CSMD3: variants seen among roughly 807,000 people sequenced by gnomAD.
The protein encoded by CSMD3 is CUB and sushi domain-containing protein 3.
Under a neutral mutation model 435.2 loss-of-function variants are expected in CSMD3, and 177 were observed. That is an observed-to-expected ratio of 0.41 (90% CI 0.36 to 0.46). The LOEUF is 0.46. Among genes scored for constraint, CSMD3 ranks in the 20% least tolerant of loss-of-function variants. The pLI is 0.34. For synonymous variants in CSMD3, 1,656 were observed against 1,520.5 expected, an observed-to-expected ratio of 1.09 and a Z score of -2.07; for missense variants, 4,265 against 4,504.6, an observed-to-expected ratio of 0.95 and a Z score of 1.52.
At chr8:113,395,759 T>A (rs1443337212) in intron 1 of CSMD3, among the ~76,000 whole-genome samples, 3 of 152,236 alleles carry the variant, frequency 2.0e-5, no homozygotes, top group Admixed American at 6.5e-5. Flanking sequence ...TTACAGAGCC[T>A]TCTGCCATCG....
intron 45 of CSMD3, among the ~76,000 whole-genome samples, chr8:112,330,090 A>T (rs1823891451): frequency 6.6e-6 from 1 of 152,126 alleles, no homozygotes; most frequent in South Asian, 2.1e-4. Flanking sequence ...AAGGGGTCAC[A>T]CAGTTAAAGG....
chr8:113,073,129 C>A (rs941970926), intron 5 of CSMD3, among the ~76,000 whole-genome samples: 1 of 151,782 alleles, frequency 6.6e-6, no homozygotes, highest in Admixed American at 6.6e-5. Flanking sequence ...GCACATTTAT[C>A]CATATGAAAT....
chr8:112,726,664 C>A (rs1236760576), intron 13 of CSMD3, among the ~76,000 whole-genome samples: 1 of 151,876 alleles, frequency 6.6e-6, no homozygotes, highest in Admixed American at 6.6e-5. Flanking sequence ...ACTCATCCAA[C>A]CAACAGGATT....
At chr8:112,523,838 A>G (rs1273552074) in intron 27 of CSMD3, among the ~76,000 whole-genome samples, 1 of 152,036 alleles carries the variant, frequency 6.6e-6, no homozygotes, top group Non-Finnish European at 1.5e-5. Flanking sequence ...GAATTTCATT[A>G]TGTTACTAAG....
chr8:112,919,329 G>T (rs2082666131), intron 10 of CSMD3, among the ~76,000 whole-genome samples: 2 of 151,580 alleles, frequency 1.3e-5, no homozygotes, highest in African/African-American at 2.4e-5. Flanking sequence ...GTAGAGAGCT[G>T]CTCTTTGTGC....
intron 1 of CSMD3, among the ~76,000 whole-genome samples, chr8:113,430,938 T>C (rs531848627): frequency 6.6e-6 from 1 of 152,316 alleles, no homozygotes; most frequent in South Asian, 2.1e-4. Context: ...GAAATATATT[T>C]GATGGCTGCA....
chr8:112,529,971 G>A (rs1825364464), intron 27 of CSMD3, among the ~76,000 whole-genome samples: 1 of 151,884 alleles, frequency 6.6e-6, no homozygotes, highest in Non-Finnish European at 1.5e-5. Context: ...GAAAATATAA[G>A]AAAGTACCAA....
intron 52 of CSMD3, among the ~76,000 whole-genome samples, chr8:112,304,081 G>A (rs1821179823): frequency 6.6e-6 from 1 of 152,072 alleles, no homozygotes; most frequent in African/African-American, 2.4e-5. Flanking sequence ...AAAAATGTAT[G>A]GAAATAAAAC....
chr8:112,526,160 C>G (rs1824935959), intron 27 of CSMD3, among the ~76,000 whole-genome samples: 1 of 151,434 alleles, frequency 6.6e-6, no homozygotes, highest in African/African-American at 2.4e-5. Context: ...ATTTTTAGCA[C>G]TGTACTAACT....
intron 1 of CSMD3, among the ~76,000 whole-genome samples, chr8:113,390,228 T>C (rs1021666598): frequency 2.6e-5 from 4 of 151,832 alleles, no homozygotes; most frequent in African/African-American, 9.7e-5. Context: ...TTTATTTCTA[T>C]CCTCTGAATC....
intron 5 of CSMD3, among the ~76,000 whole-genome samples, chr8:113,049,323 A>C (rs1375640286): frequency 6.6e-6 from 1 of 152,128 alleles, no homozygotes; most frequent in African/African-American, 2.4e-5. Context: ...TGAGGGCAGC[A>C]AACAAAGTGC....
At chr8:112,255,950 C>T (rs1283709191) in intron 61 of CSMD3, 2 of 152,584 alleles carry the variant, frequency 1.3e-5, no homozygotes, top group Non-Finnish European at 2.9e-5. Flanking sequence ...CCTTCCTCTC[C>T]AAAATACTGT....
intron 10 of CSMD3, among the ~76,000 whole-genome samples, chr8:112,886,387 T>C (rs1431938871): frequency 2.0e-5 from 3 of 151,392 alleles, no homozygotes. Flanking sequence ...AATGAGCAAA[T>C]TTTTAAAGTC....
At chr8:113,282,407 A>T (rs1276205658) in intron 2 of CSMD3, among the ~76,000 whole-genome samples, 1 of 152,058 alleles carries the variant, frequency 6.6e-6, no homozygotes, top group Non-Finnish European at 1.5e-5. Context: ...AGATTAATGT[A>T]CACAAATCAG....
chr8:113,171,544 T>G (rs1048252308), intron 4 of CSMD3, among the ~76,000 whole-genome samples: 5 of 300 alleles, frequency 0.017, no homozygotes, highest in African/African-American at 0.12. Flanking sequence ...GTTTTATGGT[T>G]TTTTTTTTAA....
At chr8:113,211,214 A>G (rs1588283696) in intron 3 of CSMD3, among the ~76,000 whole-genome samples, 1 of 152,306 alleles carries the variant, frequency 6.6e-6, no homozygotes, top group East Asian at 1.9e-4. Flanking sequence ...TACATAATAG[A>G]GAATAATTTT....
intron 8 of CSMD3, 35 bp from the exon 9 acceptor site, chr8:112,947,912 A>C: frequency 1.2e-6 from 1 of 852,518 alleles, no homozygotes. Context: ...AAAGAAACAA[A>C]ATATATGTGA....
chr8:112,518,851 G>A (rs1432175117), intron 27 of CSMD3, among the ~76,000 whole-genome samples: 4 of 152,088 alleles, frequency 2.6e-5, no homozygotes, highest in Non-Finnish European at 4.4e-5. Context: ...GAGGCCTCAG[G>A]AAACTTACAA....
At position 112,359,266 on chromosome 8, in the gene CSMD3, T is replaced by A. The variant is rs557912080; in HGVS notation, c.6137-6732A>T. ...CCCTAAAGAATGATAATGCTTTATA[T>A]GTATTCCTTCATTCCTGTGCCAGAT... On this transcript the variant is annotated intron_variant, in intron 38 of 70. Transcript: ENST00000297405. Among the ~76,000 whole-genome samples, 7 of 152,324 alleles carry A rather than the reference T, an allele frequency of 4.6e-5. No individual in the cohort carries two copies. In the East Asian group the frequency reaches 7.7e-4, roughly 17 times the overall value.
Sources: gnomAD v4.1 joint callset for allele counts (sites outside exome capture counted in the v4.1 genomes callset) on GRCh38, gnomAD v4.1.1 for gene constraint, MANE v1.5 for transcripts, NCBI Gene and HGNC (gene_info 2026-07-23, HGNC 2026-07-21) for gene names.